TMEM26: variants seen among roughly 807,000 people sequenced by gnomAD.
The protein encoded by TMEM26 is transmembrane protein 26.
TMEM26 carries 38 observed loss-of-function variants against 28.8 expected under a neutral mutation model. That is an observed-to-expected ratio of 1.32 (90% confidence interval 1.02 to 1.73). The LOEUF is 1.73. Among genes scored for constraint, TMEM26 ranks in the 40% most tolerant of loss-of-function variants. TMEM26 has a pLI of 0.00. For synonymous variants in TMEM26, 227 were observed against 182.9 expected, an observed-to-expected ratio of 1.24 and a Z score of -1.95; for missense variants, 518 against 447.1, an observed-to-expected ratio of 1.16 and a Z score of -1.43.
chr10:61,435,821 T>C (rs1839996152), intron 2 of TMEM26, among the ~76,000 whole-genome samples: 2 of 152,120 alleles, frequency 1.3e-5, no homozygotes, highest in South Asian at 2.1e-4. Flanking sequence ...TAGCACAACA[T>C]AGAAACTCAC....
At chr10:61,411,118 G>A (rs1240445372) in intron 5 of TMEM26, among the ~76,000 whole-genome samples, 1 of 152,158 alleles carries the variant, frequency 6.6e-6, no homozygotes, top group Non-Finnish European at 1.5e-5. Context: ...GTGATTCTGG[G>A]GTCCACAGTG....
rs755443559 is a variant in TMEM26, at chr10:61,410,766, T to G, written c.683-20A>C. ...TCTGTACTGAAAACACAAGACAGAC[T>G]AGTTACTATCTCTCTTGGAAGTGTA... On this transcript the variant is annotated intron_variant, in intron 5 of 5. Coordinates refer to ENST00000399298, the MANE Select transcript of TMEM26 (RefSeq NM_178505.8). 2 of 1,608,398 alleles carry G rather than the reference T, an allele frequency of 1.2e-6. No homozygotes were observed. Among genetic ancestry groups the G allele is most frequent in the Admixed American group, 3.3e-5 (2 of 59,776 alleles).
intron 2 of TMEM26, among the ~76,000 whole-genome samples, chr10:61,435,268 A>G (rs1589038499): frequency 1.3e-5 from 2 of 151,966 alleles, no homozygotes; most frequent in Non-Finnish European, 2.9e-5. Flanking sequence ...TAAAACCTCC[A>G]CCTCCGGGTT....
intron 4 of TMEM26, among the ~76,000 whole-genome samples, chr10:61,417,131 T>C (rs898960268): frequency 4.6e-5 from 7 of 152,004 alleles, no homozygotes; most frequent in Admixed American, 2.0e-4. Context: ...ACACTCAAGA[T>C]CTGTAAAGGA....
chr10:61,420,431 C>T lies in TMEM26; in HGVS notation c.606-6896G>A, dbSNP rs148592528. ...GTAAGTTTTATTTTTTAAAAATCTGCGTATACATCGACCCACACAGTTCAA... is the reference window on the plus strand; with the variant it reads ...GTAAGTTTTATTTTTTAAAAATCTGTGTATACATCGACCCACACAGTTCAA... On this transcript the variant is annotated intron_variant, in intron 4 of 5. Transcript: ENST00000399298. Among the ~76,000 whole-genome samples, 28 of 152,020 alleles carry T rather than the reference C, an allele frequency of 1.8e-4. No homozygotes were observed. In the East Asian group the frequency reaches 2.1e-3, roughly 12 times the overall value.
intron 1 of TMEM26, 43 bp from the exon 2 acceptor site, chr10:61,436,291 T>TA (rs1463787423): frequency 7.6e-7 from 1 of 1,321,280 alleles, no homozygotes; most frequent in Non-Finnish European, 1.0e-6. Context: ...TAATTTAAGC[T>TA]AATTTTCCAA....
intron 2 of TMEM26, among the ~76,000 whole-genome samples, chr10:61,435,307 A>G (rs978416790): frequency 6.6e-6 from 1 of 152,140 alleles, no homozygotes; most frequent in Non-Finnish European, 1.5e-5. Flanking sequence ...TGGCCTCCAC[A>G]GTAGCTGAAG....
At chr10:61,425,428 G>A (rs1045230120) in intron 4 of TMEM26, among the ~76,000 whole-genome samples, 1 of 152,056 alleles carries the variant, frequency 6.6e-6, no homozygotes, top group African/African-American at 2.4e-5. Context: ...AAATGTGAAA[G>A]AACATATTGA....
intron 4 of TMEM26, among the ~76,000 whole-genome samples, chr10:61,427,465 T>A (rs921872031): frequency 2.6e-5 from 4 of 152,072 alleles, no homozygotes; most frequent in Non-Finnish European, 5.9e-5. Flanking sequence ...TTTTCAAGAT[T>A]TGGGTTTTTT....
At chr10:61,432,683 T>C (rs922262310) in intron 2 of TMEM26, among the ~76,000 whole-genome samples, 1 of 152,164 alleles carries the variant, frequency 6.6e-6, no homozygotes, top group Non-Finnish European at 1.5e-5. Flanking sequence ...GTAAGAAGTG[T>C]ATTTTTCTTA....
At position 61,408,269 on chromosome 10, in the gene TMEM26, C is replaced by T. The variant is rs947442463; in HGVS notation, c.*2053G>A. On this transcript the variant is annotated 3_prime_UTR_variant, in exon 6 of 6. Coordinates refer to ENST00000399298, the MANE Select transcript of TMEM26 (RefSeq NM_178505.8). Reference sequence around the variant, plus strand: ...CCTCTAAATAAAGCTAGACTTTGGACAGGCTTTTTATTTCTCAAGCCCACG... The same window carrying T: ...CCTCTAAATAAAGCTAGACTTTGGATAGGCTTTTTATTTCTCAAGCCCACG... 11 of 152,116 alleles carry T rather than the reference C, an allele frequency of 7.2e-5. No homozygotes were observed. The highest frequency in any genetic ancestry group is 2.7e-4 in the African/African-American group (11 of 41,420). The allele number at this position is 152,116 out of a possible 1,614,324, so 9.4% of individuals were successfully genotyped here. A position where few individuals can be genotyped will look rare whatever the true frequency, so the allele number is the denominator to read the frequency against.
rs556914571 is a variant in TMEM26 at position 61,412,270 on chromosome 10, G to A, written c.682+1189C>T. Among the ~76,000 whole-genome samples, 6 of 152,056 alleles carry A rather than the reference G, an allele frequency of 3.9e-5. No individual in the cohort carries two copies. The East Asian group carries it at 1.2e-3, about 29-fold the overall frequency. On this transcript the variant is annotated intron_variant, in intron 5 of 5. Transcript: ENST00000399298. ...AATCTGTGTGTGTGTGTGTGTGTTA[G>A]CATACATTTGTTTGTAATTACTAAT...
intron 2 of TMEM26, among the ~76,000 whole-genome samples, chr10:61,435,337 C>T (rs1349173449): frequency 2.0e-5 from 3 of 152,156 alleles, no homozygotes; most frequent in Admixed American, 1.3e-4. Flanking sequence ...CATGCCACCA[C>T]GCCCAGATAA....
At chr10:61,421,514 T>C (rs1309556750) in intron 4 of TMEM26, among the ~76,000 whole-genome samples, 2 of 152,128 alleles carry the variant, frequency 1.3e-5, no homozygotes, top group Non-Finnish European at 2.9e-5. Context: ...TGAGGTCATA[T>C]GGATTAGGGT....
intron 1 of TMEM26, 36 bp downstream of exon 1, chr10:61,452,855 G>A (rs1401924582): frequency 6.3e-7 from 1 of 1,599,618 alleles, no homozygotes; most frequent in Admixed American, 1.7e-5. Flanking sequence ...ATACCCTAGG[G>A]CCCCGTGCGC....
Position 61,410,202 on chromosome 10 carries a change from A to G in TMEM26, c.*120T>C. The G allele has an allele frequency of 8.7e-7, 1 of 1,148,486 alleles. No homozygotes were observed. The highest frequency in any genetic ancestry group is 1.2e-6 in the Non-Finnish European group (1 of 832,978). 71.1% of individuals were successfully genotyped at this position (1,148,486 alleles called of 1,614,324 possible). ...AATTCCTCAGCTTTGGTTTAAGATC[A>G]CCTTTTTATGTTGTTCTTTTGAAAA... On this transcript the variant is annotated 3_prime_UTR_variant, in exon 6 of 6. Transcript: ENST00000399298.
Position 61,410,332 on chromosome 10 carries a change from T to C in TMEM26, c.1097A>G (p.His366Arg), listed in dbSNP as rs781280788. ...GSPVTSDDSH[H>R]TP is the part of the protein sequence containing the mutation. ...ACTGTCAATCAATAACTAAGGGGTG[T>C]GGTGGGAGTCGTCGGAGGTGACTGG... is the stretch of plus-strand genomic sequence containing the variant. The change falls in exon 6 of 6, where the codon CAC becomes CGC. Residue 366 changes from histidine to arginine, a missense_variant. His to Arg is a conservative substitution (Grantham distance 29, BLOSUM62 0). Coordinates refer to ENST00000399298, the MANE Select transcript of TMEM26 (RefSeq NM_178505.8). The C allele has an allele frequency of 4.3e-6, 7 of 1,609,812 alleles. No homozygotes were observed. The Admixed American group carries it at 1.2e-4, about 27-fold the overall frequency.
intron 4 of TMEM26, among the ~76,000 whole-genome samples, chr10:61,422,769 A>C (rs932118565): frequency 6.6e-6 from 1 of 152,130 alleles, no homozygotes; most frequent in African/African-American, 2.4e-5. Flanking sequence ...AATTAGAAAA[A>C]AAAGAAGAGA....
intron 3 of TMEM26, 60 bp downstream of exon 3, chr10:61,431,159 A>G (rs1839915097): frequency 7.4e-7 from 1 of 1,353,268 alleles, no homozygotes; most frequent in South Asian, 1.2e-5. Context: ...CAGGTAATTG[A>G]GGATTATACC....
Sources: allele counts gnomAD v4.1 joint callset (sites outside exome capture counted in the v4.1 genomes callset), GRCh38; gene constraint gnomAD v4.1.1; transcripts MANE v1.5; gene names NCBI Gene and HGNC (gene_info 2026-07-23, HGNC 2026-07-21).